Variants in PREX2 observed in about 807,000 individuals in gnomAD.
PREX2 encodes phosphatidylinositol-3,4,5-trisphosphate dependent Rac exchange factor 2.
PREX2 carries 107 observed loss-of-function variants against 203.2 expected under a neutral mutation model. The observed-to-expected ratio is 0.53, with a 90% CI of 0.45 to 0.62. The LOEUF (loss-of-function observed/expected upper bound fraction) is 0.62, where lower values mean the gene tolerates loss of function less well. PREX2 is among the 20% of genes least tolerant of loss of function. The pLI is 0.00. For missense variants in PREX2, 1,777 were observed against 1,955.9 expected, an observed-to-expected ratio of 0.91 and a Z score of 1.72; for synonymous variants, 672 against 663.6, an observed-to-expected ratio of 1.01 and a Z score of -0.19.
intron 1 of PREX2, among the ~76,000 whole-genome samples, chr8:67,976,390 G>C (rs1279096898): frequency 7.3e-6 from 1 of 136,666 alleles, no homozygotes; most frequent in Non-Finnish European, 1.6e-5. Context: ...AAGAGGGAGA[G>C]AGACAGAGAG....
chr8:68,108,308 A>G lies in PREX2; in HGVS notation c.2915A>G (p.Lys972Arg). The change falls in exon 24 of 40, where the codon AAA becomes AGA. Residue 972 changes from lysine to arginine, a missense_variant. Transcript: ENST00000288368. ...LDSRKHNSHD[K>R]ENKSSEQGKL... The stretch of plus-strand genomic sequence containing the variant: ...AGCAGGAAGCATAATTCTCATGATA[A>G]AGAAAACAAATCTTCGGAGCAAGGT... The G allele has an allele frequency of 1.2e-6, 2 of 1,613,656 alleles. No individual in the cohort carries two copies. Among genetic ancestry groups the G allele is most frequent in the Non-Finnish European group, 1.7e-6 (2 of 1,179,696 alleles).
In PREX2 at chr8:68,134,225, A is replaced by G. The variant is rs1425942562; in HGVS notation, c.3933A>G (p.Ile1311Met). 6.2e-7 allele frequency: 1 copy of G among 1,614,160 alleles called. No homozygotes were observed. The highest frequency in any genetic ancestry group is 8.5e-7 in the Non-Finnish European group (1 of 1,180,014). The change falls in exon 32 of 40, where the codon ATA (isoleucine) becomes ATG (methionine). Residue 1311 changes from isoleucine to methionine, a missense_variant. Physicochemically the swap from Ile to Met is conservative, Grantham distance 10. Transcript: ENST00000288368. ...CCAGCAGGAGGTGGCTGGACCAGATAGCGAATGCAGGTGTTCTTTTTCACT... is the reference window on the plus strand; with the variant it reads ...CCAGCAGGAGGTGGCTGGACCAGATGGCGAATGCAGGTGTTCTTTTTCACT... ...WEASRRWLDQ[I>M]ANAGVLFHFQ...
chr8:68,187,705 C>T (rs746463528), intron 35 of PREX2, among the ~76,000 whole-genome samples: 10 of 152,162 alleles, frequency 6.6e-5, no homozygotes, highest in Admixed American at 3.9e-4. Context: ...TACTTCTGTG[C>T]GTTCCAGCTT....
Sources: allele counts gnomAD v4.1 joint callset (sites outside exome capture counted in the v4.1 genomes callset), GRCh38; gene constraint gnomAD v4.1.1; transcripts MANE v1.5; gene names NCBI Gene and HGNC (gene_info 2026-07-23, HGNC 2026-07-21).